PECR: variants seen among roughly 807,000 people sequenced by gnomAD.
PECR encodes the protein peroxisomal trans-2-enoyl-CoA reductase.
In PECR, 30 loss-of-function variants were observed where a neutral mutation model predicts 35.3. That is an observed-to-expected ratio of 0.85 (90% CI 0.64 to 1.15). The LOEUF (loss-of-function observed/expected upper bound fraction) is 1.15, where lower values mean the gene tolerates loss of function less well. Among genes scored for constraint, PECR ranks in the 50% most tolerant of loss-of-function variants. The pLI is 0.00. For missense variants in PECR, 392 were observed against 370.8 expected (o/e 1.06, Z -0.47); for synonymous variants, 148 against 138.9 (o/e 1.07, Z -0.46).
downstream of PECR, among the ~76,000 whole-genome samples, chr2:216,036,760 G>A (rs1362536368): frequency 6.6e-6 from 1 of 152,076 alleles, no homozygotes; most frequent in African/African-American, 2.4e-5. Context: ...TATCCTTCAT[G>A]GGCCTGGTAC....
intron 7 of PECR, among the ~76,000 whole-genome samples, chr2:216,041,411 A>G (rs1574674903): frequency 6.6e-6 from 1 of 152,166 alleles, no homozygotes; most frequent in Non-Finnish European, 1.5e-5. Flanking sequence ...TCCAACCAAG[A>G]CCCTTAAAAC....
At chr2:216,064,911 T>G (rs1695433438) in intron 3 of PECR, among the ~76,000 whole-genome samples, 1 of 152,224 alleles carries the variant, frequency 6.6e-6, no homozygotes, top group Non-Finnish European at 1.5e-5. Flanking sequence ...GTATGCATGC[T>G]AATTAGTTGT....
At chr2:216,036,145 G>A (rs1205280674), downstream of PECR, among the ~76,000 whole-genome samples, 1 of 152,192 alleles carries the variant, frequency 6.6e-6, no homozygotes, top group Non-Finnish European at 1.5e-5. Context: ...ACGAAAGAGT[G>A]AGCCCCTGGT....
intron 7 of PECR, 40 bp downstream of exon 7, chr2:216,043,864 C>G: frequency 1.9e-6 from 2 of 1,041,716 alleles, no homozygotes; most frequent in Non-Finnish European, 1.5e-6. Flanking sequence ...GAACATGACA[C>G]AGCATAAAGC....
At chr2:216,069,287 A>G (rs1695538464) in intron 1 of PECR, among the ~76,000 whole-genome samples, 1 of 152,238 alleles carries the variant, frequency 6.6e-6, no homozygotes, top group Non-Finnish European at 1.5e-5. Flanking sequence ...CCCACTGTGC[A>G]TCTCTTCTTC....
chr2:216,064,460 C>T (rs1021243317), intron 3 of PECR, among the ~76,000 whole-genome samples: 5 of 152,182 alleles, frequency 3.3e-5, no homozygotes, highest in Non-Finnish European at 7.3e-5. Flanking sequence ...ACTGGAGCAG[C>T]CCTCTTGAAT....
At chr2:216,048,427 A>G (rs1695038295) in intron 6 of PECR, among the ~76,000 whole-genome samples, 1 of 151,882 alleles carries the variant, frequency 6.6e-6, no homozygotes, top group African/African-American at 2.4e-5. Context: ...GACTGATGCA[A>G]AGCTAGGTGT....
chr2:216,058,113 C>G (rs993287298), intron 4 of PECR, among the ~76,000 whole-genome samples: 1 of 152,120 alleles, frequency 6.6e-6, no homozygotes, highest in African/African-American at 2.4e-5. Context: ...CTGCAGGTAC[C>G]AGGATCCCCT....
At position 216,064,885 on chromosome 2, in the gene PECR, T is replaced by G. The variant is rs149498271; in HGVS notation, c.424+427A>C. 2.0e-5 allele frequency among the ~76,000 whole-genome samples: 3 copies of G among 152,274 alleles called. No homozygotes were observed. In the East Asian group the frequency reaches 5.8e-4, roughly 29 times the overall value. ...ACTAACCACCCACGAAACATGACCT[T>G]TAATCCAAAGACTATGTATGCATGC... On this transcript the variant is annotated intron_variant, in intron 3 of 7. Coordinates refer to ENST00000265322, the MANE Select transcript of PECR (RefSeq NM_018441.6).
intron 1 of PECR, among the ~76,000 whole-genome samples, chr2:216,072,026 G>A (rs1367195594): frequency 6.6e-6 from 1 of 152,120 alleles, no homozygotes; most frequent in Non-Finnish European, 1.5e-5. Flanking sequence ...ACTGTTAAGT[G>A]GTTCTTTTAC....
intron 3 of PECR, among the ~76,000 whole-genome samples, chr2:216,062,447 A>C (rs1327317135): frequency 2.6e-5 from 4 of 152,178 alleles, no homozygotes; most frequent in African/African-American, 9.7e-5. Context: ...TTGGGGTAAA[A>C]ATTCCTGTAT....
downstream of PECR, among the ~76,000 whole-genome samples, chr2:216,036,515 G>T (rs1001033130): frequency 1.3e-5 from 2 of 152,240 alleles, no homozygotes; most frequent in Admixed American, 1.3e-4. Flanking sequence ...AGCAGGAGGA[G>T]AGAGAGTTAC....
In PECR at chr2:216,041,943, T is replaced by C. The variant is rs186186751; in HGVS notation, c.826+1961A>G. On this transcript the variant is annotated intron_variant, in intron 7 of 7. Transcript: ENST00000265322. Reference sequence around the variant, plus strand: ...TCACATGCCTTGCCCTGTGCACCCCTTCGGCTGTATCTCCTGTAATATCCT... The same window carrying C: ...TCACATGCCTTGCCCTGTGCACCCCCTCGGCTGTATCTCCTGTAATATCCT... Among the ~76,000 whole-genome samples, 841 of 152,368 alleles carry C rather than the reference T, an allele frequency of 5.5e-3. 5 individuals are homozygous for C. The highest frequency in any genetic ancestry group is 0.013 in the South Asian group (61 of 4,830).
At chr2:216,031,489 GAAAGAGAA>G (rs1461587159) in intron 7 of PECR, among the ~76,000 whole-genome samples, 12 of 123,152 alleles carry the variant, frequency 9.7e-5, no homozygotes, top group African/African-American at 3.6e-4. Context: ...AAGAAAGAAA[GAAAGAGAA>G]AGAAAGAGAG....
rs1229146171 is a variant in PECR at position 216,031,536 on chromosome 2, AAGGAAGGAAG to A, written c.*440+7645_*440+7654del. ...GGAAGGAAGGGAAAAGAAAAGAAAGAAGGAAGGAAGGAAAGAGGGAGGGAGGGAAGGAAGG... is the reference window on the plus strand; with the variant it reads ...GGAAGGAAGGGAAAAGAAAAGAAAGAGAAAGAGGGAGGGAGGGAAGGAAGG... On this transcript the variant is annotated intron_variant and NMD_transcript_variant, in intron 7 of 7. Coordinates refer to the PECR transcript ENST00000442122. 8.0e-5 allele frequency among the ~76,000 whole-genome samples: 12 copies of A among 150,072 alleles called. No homozygotes were observed. The South Asian group carries it at 8.5e-4, about 11-fold the overall frequency.
chr2:216,050,215 T>C (rs193212223), intron 5 of PECR, among the ~76,000 whole-genome samples: 3 of 152,184 alleles, frequency 2.0e-5, no homozygotes, highest in African/African-American at 7.2e-5. Context: ...CAGCAAGACC[T>C]TGTCTCAAAC....
intron 3 of PECR, among the ~76,000 whole-genome samples, chr2:216,060,998 C>A (rs1695333253): frequency 6.6e-6 from 1 of 151,488 alleles, no homozygotes. Flanking sequence ...GGGCAAGAAT[C>A]AAAAATGGAA....
chr2:216,065,943 G>A lies in PECR; in HGVS notation c.258+442C>T, dbSNP rs79498514. On this transcript the variant is annotated intron_variant, in intron 2 of 7. Transcript: ENST00000265322. ...AGTTTGAGACCAGCCTGGCCAACAC[G>A]GTGAAACCCGTCTTTATGAAAAATA... Among the ~76,000 whole-genome samples, 1,303 of 152,288 alleles carry A rather than the reference G, an allele frequency of 8.6e-3. 27 individuals are homozygous for A. The highest frequency in any genetic ancestry group is 0.03 in the African/African-American group (1,228 of 41,560).
At chr2:216,029,284 C>T (rs1223611547) in intron 7 of PECR, among the ~76,000 whole-genome samples, 1 of 151,962 alleles carries the variant, frequency 6.6e-6, no homozygotes, top group Non-Finnish European at 1.5e-5. Context: ...TTGAGACCAT[C>T]GTCGCCAACA....
Sources: allele counts gnomAD v4.1 joint callset (sites outside exome capture counted in the v4.1 genomes callset), GRCh38; gene constraint gnomAD v4.1.1; transcripts MANE v1.5; gene names NCBI Gene and HGNC (gene_info 2026-07-23, HGNC 2026-07-21).